Variants in SLC26A8 observed in about 807,000 individuals in gnomAD.
SLC26A8 encodes the protein testis anion transporter 1.
Under a neutral mutation model 105.0 loss-of-function variants are expected in SLC26A8, and 70 were observed. The observed-to-expected ratio is 0.67, with a 90% CI of 0.55 to 0.81. The LOEUF is 0.81. Ranked by LOEUF, SLC26A8 falls within the 40% of genes least tolerant of loss-of-function variation. SLC26A8 has a pLI of 0.00. For missense variants in SLC26A8, 998 were observed against 1,181.8 expected (o/e 0.84, Z 2.28); for synonymous variants, 415 against 438.3 (o/e 0.95, Z 0.66).
intron 7 of SLC26A8, among the ~76,000 whole-genome samples, chr6:35,987,522 A>G (rs1226847241): frequency 6.6e-6 from 1 of 151,924 alleles, no homozygotes; most frequent in Non-Finnish European, 1.5e-5. Context: ...CAGGTGCACA[A>G]CACCATGCCC....
intron 8 of SLC26A8, among the ~76,000 whole-genome samples, chr6:35,979,368 T>C (rs1773179730): frequency 6.6e-6 from 1 of 151,620 alleles, no homozygotes; most frequent in Non-Finnish European, 1.5e-5. Flanking sequence ...CCCAGCTACT[T>C]GGGAGGCTGA....
chr6:35,951,037 C>A (rs1275231827), intron 19 of SLC26A8, 126 bp downstream of exon 19: 2 of 947,426 alleles, frequency 2.1e-6, no homozygotes, highest in Non-Finnish European at 3.1e-6. Flanking sequence ...TACTAAATAC[C>A]TTTCCTGGAC....
chr6:35,991,419 A>C (rs1020242816), intron 7 of SLC26A8, among the ~76,000 whole-genome samples: 238 of 152,076 alleles, frequency 1.6e-3, no homozygotes, highest in African/African-American at 5.7e-3. Flanking sequence ...AAAAAAAAAA[A>C]AACTTGATTT....
At chr6:35,958,013 C>T (rs546572016) in intron 16 of SLC26A8, among the ~76,000 whole-genome samples, 1 of 152,068 alleles carries the variant, frequency 6.6e-6, no homozygotes, top group African/African-American at 2.4e-5. Flanking sequence ...AAGCCTCTAT[C>T]CTAAGAGCCC....
chr6:35,988,725 G>GA (rs1357131025), intron 7 of SLC26A8, among the ~76,000 whole-genome samples: 1 of 151,566 alleles, frequency 6.6e-6, no homozygotes, highest in Non-Finnish European at 1.5e-5. Context: ...ACACAGATTA[G>GA]AAAAAACATT....
At chr6:36,004,538 C>T (rs1438578011) in intron 3 of SLC26A8, among the ~76,000 whole-genome samples, 1 of 151,986 alleles carries the variant, frequency 6.6e-6, no homozygotes, top group East Asian at 1.9e-4. Flanking sequence ...TAAAAATCAT[C>T]TGTGAATAAT....
chr6:36,021,791 T>C (rs1465535711), intron 1 of SLC26A8, among the ~76,000 whole-genome samples: 3 of 152,080 alleles, frequency 2.0e-5, no homozygotes, highest in Non-Finnish European at 4.4e-5. Flanking sequence ...TATTATTTTA[T>C]TTTATTTTTT....
intron 19 of SLC26A8, among the ~76,000 whole-genome samples, chr6:35,948,126 T>C (rs1289531709): frequency 1.3e-5 from 2 of 152,200 alleles, no homozygotes; most frequent in African/African-American, 2.4e-5. Context: ...ACTCTAATGA[T>C]TATTTCAATA....
chr6:35,946,443 G>C (rs1271494427), intron 19 of SLC26A8, among the ~76,000 whole-genome samples: 2 of 152,158 alleles, frequency 1.3e-5, no homozygotes, highest in East Asian at 3.9e-4. Context: ...CACCATGTTG[G>C]CCAGGCTAGT....
chr6:35,992,295 T>C (rs1339515835), intron 6 of SLC26A8, among the ~76,000 whole-genome samples: 1 of 152,172 alleles, frequency 6.6e-6, no homozygotes, highest in Non-Finnish European at 1.5e-5. Context: ...CTGAAATGGT[T>C]AGTCAACTGA....
At chr6:35,998,711 C>G (rs1761433695) in intron 4 of SLC26A8, among the ~76,000 whole-genome samples, 1 of 151,928 alleles carries the variant, frequency 6.6e-6, no homozygotes, top group Admixed American at 6.6e-5. Context: ...AAAGATATAT[C>G]TTAACTTTAA....
Position 35,959,788 on chromosome 6 carries a change from C to G in SLC26A8, c.1657G>C (p.Val553Leu), listed in dbSNP as rs765631477. Residue 553 changes from valine to leucine, a missense_variant, in exon 15 of 20, where the codon GTG becomes CTG. By Grantham distance (32) the Val-to-Leu change is conservative. Coordinates refer to ENST00000490799, the MANE Select transcript of SLC26A8 (RefSeq NM_052961.4). The stretch of plus-strand genomic sequence containing the variant: ...GAGCTGCAGCACTGGAAGATTTTCA[C>G]CCCAGGAATGGTGATGATCTGCAAG... ...DYREIITIPG[V>L]KIFQCCSSIT... is the part of the protein sequence containing the mutation. 27 of 1,607,840 alleles carry G rather than the reference C, an allele frequency of 1.7e-5. No homozygotes were observed. In the Admixed American group the frequency reaches 4.6e-4, roughly 28 times the overall value.
chr6:35,955,023 C>T, intron 17 of SLC26A8, 129 bp downstream of exon 17: 1 of 1,032,396 alleles, frequency 9.7e-7, no homozygotes. Context: ...CTTTGGTGTC[C>T]AAGGCTCTGG....
At chr6:36,019,895 A>G (rs1762089799) in intron 1 of SLC26A8, among the ~76,000 whole-genome samples, 186 bp from the exon 2 acceptor site, 4 of 152,188 alleles carry the variant, frequency 2.6e-5, no homozygotes, top group Admixed American at 2.6e-4. Flanking sequence ...TCAAATGGAG[A>G]CAACAAAACC....
chr6:35,971,838 G>C lies in SLC26A8; in HGVS notation c.1288-2884C>G, dbSNP rs370032819. Among the ~76,000 whole-genome samples the C allele has an allele frequency of 7.9e-5, 12 of 152,288 alleles. No individual in the cohort carries two copies. The East Asian group carries it at 1.9e-3, about 24-fold the overall frequency. On this transcript the variant is annotated intron_variant, in intron 10 of 19. Coordinates refer to ENST00000490799, the MANE Select transcript of SLC26A8 (RefSeq NM_052961.4). ...TTTTAAAGCTGTTCGGGGAGCCTGG[G>C]CAAGGCAGGTCCTTAGAAAGCAGGG...
intron 1 of SLC26A8, among the ~76,000 whole-genome samples, chr6:36,021,757 C>T (rs1223540621): frequency 6.6e-6 from 1 of 151,898 alleles, no homozygotes; most frequent in Non-Finnish European, 1.5e-5. Context: ...CATATGTTTA[C>T]GTATACATAT....
intron 8 of SLC26A8, among the ~76,000 whole-genome samples, chr6:35,978,139 A>T (rs1773113482): frequency 6.8e-6 from 1 of 146,186 alleles, no homozygotes; most frequent in African/African-American, 2.6e-5. Context: ...CATAGACAGC[A>T]CAAGAAGAAA....
rs529330773 is a variant in SLC26A8 at position 36,006,660 on chromosome 6, C to T, written c.328+5573G>A. ...AGAGTTTAGCTGTCTCATTGCAGCA[C>T]CATAGGAATATGCTAGAAATTTTAT... is the stretch of plus-strand genomic sequence containing the variant. On this transcript the variant is annotated intron_variant, in intron 3 of 19. Transcript: ENST00000490799. Among the ~76,000 whole-genome samples, 4 of 152,202 alleles carry T rather than the reference C, an allele frequency of 2.6e-5. No homozygotes were observed. In the East Asian group the frequency reaches 5.8e-4, roughly 22 times the overall value.
rs1322559551 is a variant in SLC26A8 at position 35,997,875 on chromosome 6, C to A, written c.490G>T (p.Val164Leu). The A allele has an allele frequency of 6.2e-7, 1 of 1,614,132 alleles. No homozygotes were observed. Among genetic ancestry groups the A allele is most frequent in the South Asian group, 1.1e-5 (1 of 91,078 alleles). Residue 164 changes from valine to leucine, a missense_variant, in exon 5 of 20, where the codon GTG (valine) becomes TTG (leucine). Coordinates refer to ENST00000490799, the MANE Select transcript of SLC26A8 (RefSeq NM_052961.4). ...VSALLINVLK[V>L]SPFNNGQLVM... ...AGTTGACCGTTGTTGAATGGGCTCA[C>A]TTTCAGAACGTTGATCAGCAGAGCA...
Sources: gnomAD v4.1 joint callset for allele counts (sites outside exome capture counted in the v4.1 genomes callset) on GRCh38, gnomAD v4.1.1 for gene constraint, MANE v1.5 for transcripts, NCBI Gene and HGNC (gene_info 2026-07-23, HGNC 2026-07-21) for gene names.